GRIN2A: variants seen among roughly 807,000 people sequenced by gnomAD.
GRIN2A encodes the protein glutamate ionotropic receptor NMDA type subunit 2A, also known as glutamate receptor ionotropic, NMDA 2A.
In GRIN2A, 22 loss-of-function variants were observed where a neutral mutation model predicts 113.4. The ratio of observed to expected loss-of-function variants is 0.19; its 90% CI spans 0.14 to 0.28. The LOEUF is 0.28. GRIN2A is among the 10% of genes least tolerant of loss of function. The pLI is 1.00. For synonymous variants in GRIN2A, 827 were observed against 738.4 expected (o/e 1.12, Z -1.94); for missense variants, 1,502 against 1,887.0 (o/e 0.80, Z 3.78).
chr16:10,104,279 A>C (rs994561779), intron 2 of GRIN2A, among the ~76,000 whole-genome samples: 2 of 152,216 alleles, frequency 1.3e-5, no homozygotes, highest in East Asian at 3.9e-4. Flanking sequence ...CAGGAGAGAA[A>C]AGAGAAAAGT....
chr16:9,801,426 A>C (rs1029117365), intron 10 of GRIN2A, among the ~76,000 whole-genome samples: 5 of 152,220 alleles, frequency 3.3e-5, no homozygotes, highest in Non-Finnish European at 7.3e-5. Context: ...CATGGGGTGA[A>C]ACCTTCTCCT....
intron 2 of GRIN2A, among the ~76,000 whole-genome samples, chr16:10,006,861 C>T (rs1435931572): frequency 6.6e-6 from 1 of 152,164 alleles, no homozygotes; most frequent in South Asian, 2.1e-4. Flanking sequence ...TCAGCTCCCA[C>T]AAAGAAGTAA....
rs111806875 is a variant in GRIN2A, at chr16:10,099,974, G to C, written c.414+80024C>G. 9.5e-3 allele frequency among the ~76,000 whole-genome samples: 1,440 copies of C among 152,236 alleles called. 10 individuals carry two copies. The highest frequency in any genetic ancestry group is 0.024 in the Middle Eastern group (7 of 294). On this transcript the variant is annotated intron_variant, in intron 2 of 12. Coordinates refer to ENST00000330684, the MANE Select transcript of GRIN2A (RefSeq NM_001134407.3). ...GTTAGTCAATAATCACAAAAGTAAA[G>C]CAACATCACAAATTGTAGCGAGTGC...
In GRIN2A at chr16:9,758,400, C is replaced by T. The variant is rs1900445459; in HGVS notation, c.*4749G>A. ...TTTTTAAAGAAGGGGCCAAGAACGC[C>T]AACACCCATATTCTACTTAGGCTCT... On this transcript the variant is annotated 3_prime_UTR_variant, in exon 13 of 13. Transcript: ENST00000330684. 1 of 222,916 alleles carries T rather than the reference C, an allele frequency of 4.5e-6. No individual in the cohort carries two copies. The highest frequency in any genetic ancestry group is 9.0e-6 in the Non-Finnish European group (1 of 111,626). The allele number at this position is 222,916 out of a possible 1,614,324, so 13.8% of individuals were successfully genotyped here.
intron 10 of GRIN2A, among the ~76,000 whole-genome samples, chr16:9,802,498 G>A (rs1211599476): frequency 2.6e-5 from 4 of 152,140 alleles, no homozygotes; most frequent in Non-Finnish European, 4.4e-5. Context: ...TTTAAAAAAA[G>A]AGATGGCCAT....
At chr16:9,912,983 C>T (rs769344417) in intron 3 of GRIN2A, among the ~76,000 whole-genome samples, 3 of 152,248 alleles carry the variant, frequency 2.0e-5, no homozygotes, top group Non-Finnish European at 4.4e-5. Flanking sequence ...TCCCTCTGCC[C>T]TTGGCCTCGC....
Position 10,134,721 on chromosome 16 carries a change from G to A in GRIN2A, c.414+45277C>T, listed in dbSNP as rs1024963574. On this transcript the variant is annotated intron_variant, in intron 2 of 12. Coordinates refer to ENST00000330684, the MANE Select transcript of GRIN2A (RefSeq NM_001134407.3). ...CAAATTGCCAATGTTTATGCTGGTA[G>A]GAAATTTCAAAAACCTTATGGGTCT... Among the ~76,000 whole-genome samples the A allele has an allele frequency of 5.3e-5, 8 of 152,034 alleles. No individual in the cohort carries two copies. The South Asian group carries it at 1.7e-3, about 32-fold the overall frequency.
chr16:10,101,538 C>T (rs1002256250), intron 2 of GRIN2A, among the ~76,000 whole-genome samples: 1 of 150,172 alleles, frequency 6.7e-6, no homozygotes, highest in Non-Finnish European at 1.5e-5. Flanking sequence ...AGAAAGATTG[C>T]TCTCTGCTTT....
At chr16:9,920,186 C>T (rs956598419) in intron 3 of GRIN2A, among the ~76,000 whole-genome samples, 9 of 152,158 alleles carry the variant, frequency 5.9e-5, no homozygotes, top group African/African-American at 2.2e-4. Context: ...TGCACAATAG[C>T]TGACTGTTGA....
intron 2 of GRIN2A, among the ~76,000 whole-genome samples, chr16:10,068,088 T>C (rs536140533): frequency 6.6e-6 from 1 of 152,362 alleles, no homozygotes; most frequent in African/African-American, 2.4e-5. Context: ...GCTGTTTCCA[T>C]GAATGCTAAT....
Position 9,789,345 on chromosome 16 carries a change from C to T in GRIN2A, c.2356+8932G>A, listed in dbSNP as rs1173894986. Among the ~76,000 whole-genome samples, 3 of 152,090 alleles carry T rather than the reference C, an allele frequency of 2.0e-5. No homozygotes were observed. In the East Asian group the frequency reaches 5.8e-4, roughly 29 times the overall value. ...CAGCCTCATGGTACTAATTTCTGGG[C>T]CCCTGAAGGTACAGTCCCTCTCTCC... On this transcript the variant is annotated intron_variant, in intron 11 of 12. Coordinates refer to ENST00000330684, the MANE Select transcript of GRIN2A (RefSeq NM_001134407.3).
intron 2 of GRIN2A, among the ~76,000 whole-genome samples, chr16:10,141,793 C>G (rs2049331250): frequency 1.3e-5 from 2 of 152,196 alleles, no homozygotes; most frequent in Non-Finnish European, 2.9e-5. Context: ...GGGCTATTTT[C>G]CACATTTTAC....
chr16:9,859,344 G>A (rs186387917), intron 4 of GRIN2A, among the ~76,000 whole-genome samples: 37 of 152,126 alleles, frequency 2.4e-4, no homozygotes, highest in South Asian at 1.0e-3. Context: ...ACTAAAAACC[G>A]TGCATACATA....
intron 3 of GRIN2A, among the ~76,000 whole-genome samples, chr16:9,908,277 G>A (rs2141540738): frequency 6.6e-6 from 1 of 152,196 alleles, no homozygotes; most frequent in African/African-American, 2.4e-5. Flanking sequence ...ATCCATAATT[G>A]CAAGGTCACC....
At chr16:9,786,414 C>T (rs538254788) in intron 11 of GRIN2A, among the ~76,000 whole-genome samples, 2 of 152,082 alleles carry the variant, frequency 1.3e-5, no homozygotes, top group African/African-American at 2.4e-5. Context: ...GAGGCATGGA[C>T]GAGTCTCCTT....
chr16:9,833,578 T>C (rs9937348), intron 8 of GRIN2A, among the ~76,000 whole-genome samples: 7 of 152,252 alleles, frequency 4.6e-5, no homozygotes, highest in Admixed American at 2.0e-4. Flanking sequence ...CTAACAACTA[T>C]TGACTTCAGG....
At chr16:9,889,292 C>A (rs1380860672) in intron 4 of GRIN2A, among the ~76,000 whole-genome samples, 1 of 152,070 alleles carries the variant, frequency 6.6e-6, no homozygotes, top group Non-Finnish European at 1.5e-5. Flanking sequence ...CCTGTAGGAT[C>A]TGTAGTGTCT....
chr16:9,869,477 G>A (rs565667943), intron 4 of GRIN2A, among the ~76,000 whole-genome samples: 1 of 152,152 alleles, frequency 6.6e-6, no homozygotes, highest in East Asian at 1.9e-4. Flanking sequence ...GTACCAACAT[G>A]ACCACCATAA....
In GRIN2A at chr16:9,785,192, A is replaced by T. The variant is rs570941041; in HGVS notation, c.2356+13085T>A. ...TAGCAAAGACTTGGAACCAACCTAA[A>T]TGTCCAACAATGATAGACTGGATTA... On this transcript the variant is annotated intron_variant, in intron 11 of 12. Coordinates refer to ENST00000330684, the MANE Select transcript of GRIN2A (RefSeq NM_001134407.3). 2.6e-5 allele frequency among the ~76,000 whole-genome samples: 4 copies of T among 152,258 alleles called. No individual in the cohort carries two copies. The East Asian group carries it at 7.7e-4, about 29-fold the overall frequency.
Sources: allele counts gnomAD v4.1 joint callset (sites outside exome capture counted in the v4.1 genomes callset), GRCh38; gene constraint gnomAD v4.1.1; transcripts MANE v1.5; gene names NCBI Gene and HGNC (gene_info 2026-07-23, HGNC 2026-07-21).